The following PACRG variants were observed in gnomAD, a reference collection of about 807,000 sequenced individuals.
PACRG encodes the protein parkin coregulated gene protein.
PACRG carries 29 observed loss-of-function variants against 29.7 expected under a neutral mutation model. That is an observed-to-expected ratio of 0.98 (90% CI 0.73 to 1.33). The LOEUF (loss-of-function observed/expected upper bound fraction) is 1.33. Ranked by LOEUF, PACRG falls within the 40% of genes most tolerant of loss-of-function variation. The pLI is 0.00. For synonymous variants in PACRG, 116 were observed against 118.7 expected (o/e 0.98, Z 0.15); for missense variants, 279 against 316.2 (o/e 0.88, Z 0.89).
intron 4 of PACRG, among the ~76,000 whole-genome samples, chr6:163,117,889 C>T (rs1267551835): frequency 6.6e-6 from 1 of 152,076 alleles, no homozygotes; most frequent in Non-Finnish European, 1.5e-5. Context: ...GATGTTCATG[C>T]TTGTTGTCTT....
chr6:163,013,326 A>G (rs1805789131), intron 2 of PACRG, among the ~76,000 whole-genome samples: 1 of 151,980 alleles, frequency 6.6e-6, no homozygotes, highest in Non-Finnish European at 1.5e-5. Context: ...GCACTACGCC[A>G]ATGGAGTGTA....
intron 4 of PACRG, among the ~76,000 whole-genome samples, chr6:163,116,284 G>A (rs73786977): frequency 0.024 from 3,654 of 152,190 alleles, 161 homozygotes; most frequent in African/African-American, 0.083. Flanking sequence ...CAGATACTAC[G>A]CACTATTAAA....
At chr6:162,986,100 G>T (rs1802863000) in intron 2 of PACRG, among the ~76,000 whole-genome samples, 1 of 152,116 alleles carries the variant, frequency 6.6e-6, no homozygotes. Flanking sequence ...CATGCTCATG[G>T]ATGGGTAGAA....
chr6:163,313,570 AT>A (rs756441464), intron 4 of PACRG, among the ~76,000 whole-genome samples: 1 of 152,320 alleles, frequency 6.6e-6, no homozygotes, highest in Non-Finnish European at 1.5e-5. Context: ...TGGAAACACC[AT>A]TTTTCCCTCT....
intron 1 of PACRG, among the ~76,000 whole-genome samples, chr6:162,744,161 G>A (rs1004238951): frequency 1.3e-5 from 2 of 152,036 alleles, no homozygotes; most frequent in Non-Finnish European, 2.9e-5. Context: ...GTTTATTAGA[G>A]TTTTGGTCTA....
At chr6:162,812,110 G>A (rs1425890922) in intron 1 of PACRG, among the ~76,000 whole-genome samples, 1 of 151,936 alleles carries the variant, frequency 6.6e-6, no homozygotes, top group Non-Finnish European at 1.5e-5. Context: ...GAGTGTGGCT[G>A]TATAAGGGCA....
intron 4 of PACRG, among the ~76,000 whole-genome samples, chr6:163,277,784 C>T (rs2128182793): frequency 6.6e-6 from 1 of 151,620 alleles, no homozygotes; most frequent in South Asian, 2.1e-4. Context: ...GTAAATTGTG[C>T]TGCTATAAGC....
At chr6:163,188,463 C>T (rs758059170) in intron 4 of PACRG, among the ~76,000 whole-genome samples, 2 of 152,166 alleles carry the variant, frequency 1.3e-5, no homozygotes, top group South Asian at 4.2e-4. Context: ...AAAATACTGA[C>T]GTGATGCCTT....
At chr6:163,012,518 C>G (rs971756456) in intron 2 of PACRG, among the ~76,000 whole-genome samples, 3 of 152,206 alleles carry the variant, frequency 2.0e-5, no homozygotes, top group Non-Finnish European at 4.4e-5. Context: ...AACAACAGAT[C>G]TGAATCTGCT....
chr6:163,103,212 A>G (rs767659770), intron 4 of PACRG, among the ~76,000 whole-genome samples: 6 of 152,194 alleles, frequency 3.9e-5, no homozygotes, highest in African/African-American at 1.2e-4. Context: ...CTGAGGAAGA[A>G]TCCACTTCTA....
At chr6:163,277,076 T>G (rs765599943) in intron 4 of PACRG, among the ~76,000 whole-genome samples, 2 of 152,196 alleles carry the variant, frequency 1.3e-5, no homozygotes, top group Non-Finnish European at 2.9e-5. Context: ...ACCTCTCACT[T>G]TATCTTTCAT....
chr6:163,250,906 T>TATATATATAC lies in PACRG; in HGVS notation c.614-63920_614-63919insTATATATACA, dbSNP rs1026185460. On this transcript the variant is annotated intron_variant, in intron 4 of 4. Transcript: ENST00000366888. ...TTGTATATATATATATATATATATA[T>TATATATATAC]ACACTATGGAATATTACTCAGCCAT... is the stretch of plus-strand genomic sequence containing the variant. Among the ~76,000 whole-genome samples, 477 of 149,280 alleles carry TATATATATAC rather than the reference T, an allele frequency of 3.2e-3. 3 individuals are homozygous for TATATATATAC. Among genetic ancestry groups the TATATATATAC allele is most frequent in the African/African-American group, 0.011 (450 of 40,106 alleles).
chr6:163,036,306 ATAAAGAGC>A (rs1192295883), intron 2 of PACRG, among the ~76,000 whole-genome samples: 7 of 152,206 alleles, frequency 4.6e-5, no homozygotes, highest in African/African-American at 1.7e-4. Context: ...TCCAGGCCTT[ATAAAGAGC>A]CACACTGTGA....
chr6:163,235,146 C>A (rs1782185679), intron 4 of PACRG, among the ~76,000 whole-genome samples: 1 of 152,128 alleles, frequency 6.6e-6, no homozygotes, highest in Non-Finnish European at 1.5e-5. Flanking sequence ...CTCACCTCTT[C>A]CATCGTAAGC....
At chr6:162,944,558 A>T (rs1798862313) in intron 2 of PACRG, among the ~76,000 whole-genome samples, 1 of 152,200 alleles carries the variant, frequency 6.6e-6, no homozygotes, top group Non-Finnish European at 1.5e-5. Context: ...GAAAACAGAT[A>T]AATAATACAT....
Position 163,269,762 on chromosome 6 carries a change from G to GAGAGAGAGAGACAGAC in PACRG, c.614-45062_614-45061insGAGAGAGACAGACAGA, listed in dbSNP as rs796202675. Among the ~76,000 whole-genome samples the GAGAGAGAGAGACAGAC allele has an allele frequency of 7.8e-5, 4 of 51,254 alleles. 2 individuals carry two copies. The highest frequency in any genetic ancestry group is 9.7e-4 in the East Asian group (2 of 2,054). The allele number at this position is 51,254 out of a possible 152,430, so 33.6% of individuals were successfully genotyped here. On this transcript the variant is annotated intron_variant, in intron 4 of 4. Coordinates refer to ENST00000366888, the MANE Select transcript of PACRG (RefSeq NM_001080379.2). ...GGGGAAAAGAAGAAAGAGAGAGAGAGAGACAGACAGACAGACAGACAGAAA... is the reference window on the plus strand; with the variant it reads ...GGGGAAAAGAAGAAAGAGAGAGAGAGAGAGAGAGAGACAGACAGACAGACAGACAGACAGACAGAAA...
intron 4 of PACRG, among the ~76,000 whole-genome samples, chr6:163,140,780 A>G (rs914075117): frequency 6.6e-6 from 1 of 152,206 alleles, no homozygotes; most frequent in Admixed American, 6.5e-5. Context: ...AGAAATAAAT[A>G]GGATAAGTTC....
At chr6:162,930,806 G>T (rs1011624495) in intron 2 of PACRG, among the ~76,000 whole-genome samples, 4 of 151,618 alleles carry the variant, frequency 2.6e-5, no homozygotes, top group African/African-American at 9.7e-5. Flanking sequence ...AAGGAATCTT[G>T]AATTTTGTCA....
chr6:163,280,216 C>G (rs1784183119), intron 4 of PACRG, among the ~76,000 whole-genome samples: 2 of 152,186 alleles, frequency 1.3e-5, no homozygotes, highest in African/African-American at 4.8e-5. Context: ...GTGAGTCTGC[C>G]ACCTCTAGAA....
Sources: gnomAD v4.1 joint callset for allele counts (sites outside exome capture counted in the v4.1 genomes callset) on GRCh38, gnomAD v4.1.1 for gene constraint, MANE v1.5 for transcripts, NCBI Gene and HGNC (gene_info 2026-07-23, HGNC 2026-07-21) for gene names.